The following SRGAP2 variants were observed in gnomAD, a reference collection of about 807,000 sequenced individuals.
SRGAP2 encodes SLIT-ROBO Rho GTPase activating protein 2.
Under a neutral mutation model 57.2 loss-of-function variants are expected in SRGAP2, and 15 were observed. That is an observed-to-expected ratio of 0.26 (90% CI 0.18 to 0.40). The LOEUF (loss-of-function observed/expected upper bound fraction) is 0.40, where lower values mean the gene tolerates loss of function less well. Ranked by LOEUF, SRGAP2 falls within the 10% of genes least tolerant of loss-of-function variation. The pLI is 1.00. For missense variants in SRGAP2, 520 were observed against 669.6 expected, an observed-to-expected ratio of 0.78 and a Z score of 2.47; for synonymous variants, 249 against 248.0, an observed-to-expected ratio of 1.00 and a Z score of -0.04.
intron 2 of SRGAP2, among the ~76,000 whole-genome samples, chr1:206,259,417 G>T (rs1277892921): frequency 6.7e-6 from 1 of 150,224 alleles, no homozygotes; most frequent in African/African-American, 2.5e-5. Flanking sequence ...GCTCACTGCA[G>T]CCTCGACCTT....
chr1:206,229,961 C>T (rs1169388271), intron 2 of SRGAP2, among the ~76,000 whole-genome samples: 1 of 151,658 alleles, frequency 6.6e-6, no homozygotes, highest in East Asian at 1.9e-4. Flanking sequence ...CACACACACA[C>T]ACACACCTTA....
At chr1:206,415,666 C>G (rs370858528) in intron 10 of SRGAP2, among the ~76,000 whole-genome samples, 2 of 152,192 alleles carry the variant, frequency 1.3e-5, no homozygotes, top group African/African-American at 4.8e-5. Flanking sequence ...TACTGGCCAT[C>G]ATAGAACTCC....
intron 3 of SRGAP2, among the ~76,000 whole-genome samples, chr1:206,306,326 A>G (rs1410078122): frequency 6.6e-6 from 1 of 151,800 alleles, no homozygotes; most frequent in Non-Finnish European, 1.5e-5. Flanking sequence ...CTCAGGAGTG[A>G]AGCTGCAGAC....
rs1336055629 is a variant in SRGAP2, at chr1:206,454,065, G to A, written c.2360+685G>A. ...AGCCTGCCCCCTGTCCGTTTGCCCT[G>A]TCTCTGTCCCCAGCTCCCCTCCCTT... On this transcript the variant is annotated intron_variant, in intron 20 of 22. Coordinates refer to ENST00000573034, the MANE Select transcript of SRGAP2 (RefSeq NM_015326.5). The surrounding 1 kb of genome is among the most constrained non-coding windows in gnomAD (Gnocchi z 4.3). 1 of 700,856 alleles carries A rather than the reference G, an allele frequency of 1.4e-6. No individual in the cohort carries two copies. The highest frequency in any genetic ancestry group is 1.7e-5 in the African/African-American group (1 of 57,346). The allele number at this position is 700,856 out of a possible 1,614,324, so 43.4% of individuals were successfully genotyped here.
intron 3 of SRGAP2, among the ~76,000 whole-genome samples, chr1:206,326,580 G>A (rs139130050): frequency 6.6e-5 from 10 of 152,336 alleles, no homozygotes; most frequent in Admixed American, 3.9e-4. Context: ...ATAAGAAAAC[G>A]GTTACTAGTC....
chr1:206,307,173 A>C (rs1672271945), intron 3 of SRGAP2, among the ~76,000 whole-genome samples: 1 of 152,196 alleles, frequency 6.6e-6, no homozygotes, highest in African/African-American at 2.4e-5. Context: ...ACAAACCTTG[A>C]GCTAGATATA....
intron 13 of SRGAP2, among the ~76,000 whole-genome samples, chr1:206,425,300 T>C (rs1660698350): frequency 6.6e-6 from 1 of 152,242 alleles, no homozygotes; most frequent in South Asian, 2.1e-4. Context: ...TTTTGATACA[T>C]GCATACAATT....
At chr1:206,419,480 G>A (rs1362591081) in intron 12 of SRGAP2, 80 bp downstream of exon 12, 4 of 775,846 alleles carry the variant, frequency 5.2e-6, no homozygotes, top group South Asian at 4.1e-5. Flanking sequence ...GAGAGCCAAG[G>A]AGTTGAGTTG....
intron 3 of SRGAP2, among the ~76,000 whole-genome samples, chr1:206,331,613 A>T (rs1674360556): frequency 7.0e-6 from 1 of 143,216 alleles, no homozygotes; most frequent in Non-Finnish European, 1.5e-5. Flanking sequence ...CTGTTTTATC[A>T]GAGACTAGGA....
chr1:206,416,371 C>A (rs1010037493), intron 11 of SRGAP2, among the ~76,000 whole-genome samples: 1 of 152,126 alleles, frequency 6.6e-6, no homozygotes, highest in South Asian at 2.1e-4. Context: ...AGATGAGATA[C>A]GCAGCTGCTC....
intron 2 of SRGAP2, among the ~76,000 whole-genome samples, chr1:206,228,861 A>G (rs1358976549): frequency 6.6e-5 from 10 of 151,060 alleles, no homozygotes; most frequent in Admixed American, 6.6e-4. Flanking sequence ...TTCCTTCTCA[A>G]CCAGCCAAAG....
chr1:206,284,423 G>C (rs1670903252), intron 2 of SRGAP2, among the ~76,000 whole-genome samples: 1 of 151,090 alleles, frequency 6.6e-6, no homozygotes, highest in Admixed American at 6.6e-5. Flanking sequence ...TAGACTTCTT[G>C]TTGTTGGTTT....
intron 5 of SRGAP2, among the ~76,000 whole-genome samples, chr1:206,390,484 A>AC (rs1558378247): frequency 6.6e-6 from 1 of 152,078 alleles, no homozygotes; most frequent in Non-Finnish European, 1.5e-5. Context: ...CTATTCTTTG[A>AC]CCCCTTTTTT....
chr1:206,339,166 A>G (rs1674987064), intron 3 of SRGAP2, among the ~76,000 whole-genome samples: 1 of 150,012 alleles, frequency 6.7e-6, no homozygotes, highest in Non-Finnish European at 1.5e-5. Flanking sequence ...CCTAGCAGCT[A>G]TTCCCCTTCA....
intron 14 of SRGAP2, among the ~76,000 whole-genome samples, chr1:206,434,089 A>T (rs1661516101): frequency 6.6e-6 from 1 of 152,204 alleles, no homozygotes; most frequent in Non-Finnish European, 1.5e-5. Context: ...AGAGCTCATA[A>T]CCTGTGTCAG....
In SRGAP2 at chr1:206,454,809, G is replaced by A. The variant is rs1418722436; in HGVS notation, c.2361-69G>A. 8 of 692,782 alleles carry A rather than the reference G, an allele frequency of 1.2e-5. No individual in the cohort carries two copies. The highest frequency in any genetic ancestry group is 5.0e-5 in the East Asian group (2 of 40,230). 42.9% of individuals were successfully genotyped at this position (692,782 alleles called of 1,614,324 possible). ...GTGTATGTCGGGGGGCCATCTTGCC[G>A]ATTTAACGCTGCTTTTTGTGTTGTT... On this transcript the variant is annotated intron_variant, in intron 20 of 22. Coordinates refer to ENST00000573034, the MANE Select transcript of SRGAP2 (RefSeq NM_015326.5). The surrounding 1 kb of genome is among the most constrained non-coding windows in gnomAD (Gnocchi z 4.3).
At chr1:206,323,420 A>C (rs1389193028) in intron 3 of SRGAP2, among the ~76,000 whole-genome samples, 1 of 150,496 alleles carries the variant, frequency 6.6e-6, no homozygotes, top group Non-Finnish European at 1.5e-5. Context: ...AGAACAAACC[A>C]ACCATTTTCC....
chr1:206,221,506 C>T (rs1666991186), intron 2 of SRGAP2, among the ~76,000 whole-genome samples: 1 of 151,274 alleles, frequency 6.6e-6, no homozygotes, highest in African/African-American at 2.4e-5. Context: ...TAGGATATCA[C>T]ATAGAGAGGG....
At chr1:206,456,840 G>T (rs186946662) in intron 21 of SRGAP2, among the ~76,000 whole-genome samples, 148 of 152,200 alleles carry the variant, frequency 9.7e-4, no homozygotes, top group African/African-American at 3.5e-3. Context: ...TGAGTTTCCC[G>T]AGTGCCCAGG....
Sources: allele counts gnomAD v4.1 joint callset (sites outside exome capture counted in the v4.1 genomes callset), GRCh38; gene constraint gnomAD v4.1.1; non-coding constraint Gnocchi (gnomAD v3.1); transcripts MANE v1.5; gene names NCBI Gene and HGNC (gene_info 2026-07-23, HGNC 2026-07-21).